Variants in PRELID2 observed in about 807,000 individuals in gnomAD.
The protein encoded by PRELID2 is PRELI domain containing 2.
A neutral mutation model predicts 28.4 loss-of-function variants in PRELID2; 25 were observed. The ratio of observed to expected loss-of-function variants is 0.88; its 90% CI spans 0.64 to 1.23. The LOEUF (loss-of-function observed/expected upper bound fraction) is 1.23. PRELID2 is among the 50% of genes most tolerant of loss of function. The pLI is 0.00. For missense variants in PRELID2, 201 were observed against 214.4 expected (o/e 0.94, Z 0.39); for synonymous variants, 76 against 71.6 (o/e 1.06, Z -0.31).
chr5:145,348,399 C>T, the PRELID2 span, among the ~76,000 whole-genome samples: 1 of 152,044 alleles, frequency 6.6e-6, no homozygotes, highest in Non-Finnish European at 1.5e-5. Flanking sequence ...CTTATAGTCC[C>T]TTTTTCTATG....
chr5:145,564,267 G>A (rs772026263), intron 1 of PRELID2, among the ~76,000 whole-genome samples: 2 of 152,228 alleles, frequency 1.3e-5, no homozygotes, highest in Non-Finnish European at 2.9e-5. Context: ...TTATTAGAAT[G>A]AAATTCAAAC....
At chr5:145,491,977 T>A (rs554792498) in intron 1 of PRELID2, among the ~76,000 whole-genome samples, 13 of 152,190 alleles carry the variant, frequency 8.5e-5, no homozygotes, top group Non-Finnish European at 1.9e-4. Flanking sequence ...CATGTTTGGC[T>A]ATTGTGAATA....
chr5:145,645,901 G>A (rs900621960), intron 1 of PRELID2, among the ~76,000 whole-genome samples: 7 of 152,274 alleles, frequency 4.6e-5, no homozygotes, highest in South Asian at 2.1e-4. Flanking sequence ...GAAAAGATCC[G>A]CTGTTAATCT....
intron 5 of PRELID2, among the ~76,000 whole-genome samples, chr5:145,785,310 C>A (rs906784913): frequency 2.0e-5 from 3 of 152,208 alleles, no homozygotes; most frequent in African/African-American, 7.2e-5. Flanking sequence ...GCTTCATACA[C>A]AATCCCTATG....
At chr5:145,556,147 C>T (rs1222075192) in intron 1 of PRELID2, among the ~76,000 whole-genome samples, 3 of 142,310 alleles carry the variant, frequency 2.1e-5, no homozygotes, top group Non-Finnish European at 3.0e-5. Context: ...CACTGCACTC[C>T]AGCCTGAGCA....
chr5:145,518,303 G>A (rs570481575), intron 1 of PRELID2, among the ~76,000 whole-genome samples: 230 of 152,146 alleles, frequency 1.5e-3, no homozygotes, highest in African/African-American at 5.0e-3. Context: ...AGGTTCAAGT[G>A]ATTCTTCTGC....
chr5:145,390,351 C>G, the PRELID2 span, among the ~76,000 whole-genome samples: 2 of 152,174 alleles, frequency 1.3e-5, no homozygotes, highest in African/African-American at 4.8e-5. Flanking sequence ...TTAATTGACT[C>G]ACAGTTCAGC....
chr5:145,514,484 C>G (rs74794003), intron 1 of PRELID2, among the ~76,000 whole-genome samples: 2 of 152,108 alleles, frequency 1.3e-5, no homozygotes, highest in East Asian at 3.9e-4. Context: ...TAAAGGTGCA[C>G]CCAGATTGAT....
intron 1 of PRELID2, among the ~76,000 whole-genome samples, chr5:145,744,362 G>C (rs776511709): frequency 9.2e-5 from 14 of 152,216 alleles, no homozygotes; most frequent in Admixed American, 9.2e-4. Flanking sequence ...AAAGTGCTTC[G>C]TTAAATGGGT....
chr5:145,522,714 C>T (rs1052638932), intron 1 of PRELID2, among the ~76,000 whole-genome samples: 2 of 151,276 alleles, frequency 1.3e-5, no homozygotes, highest in African/African-American at 2.4e-5. Flanking sequence ...GGGGAAGATA[C>T]ATTACCAGAA....
chr5:145,301,075 A>G, the PRELID2 span, among the ~76,000 whole-genome samples: 9,701 of 152,130 alleles, frequency 0.064, 473 homozygotes, highest in African/African-American at 0.15. Flanking sequence ...CAAAAGAGTT[A>G]TCCCAATGTG....
intron 1 of PRELID2, among the ~76,000 whole-genome samples, chr5:145,483,981 C>T (rs916451761): frequency 1.3e-5 from 2 of 152,144 alleles, no homozygotes; most frequent in Non-Finnish European, 2.9e-5. Context: ...GAATAAATTA[C>T]TGAAGGTTGG....
chr5:145,509,217 G>A (rs892945374), intron 1 of PRELID2, among the ~76,000 whole-genome samples: 21 of 152,292 alleles, frequency 1.4e-4, no homozygotes, highest in Admixed American at 1.4e-3. Context: ...TGTACTGTGA[G>A]TCAGCCATTA....
chr5:145,656,206 C>T (rs1581032031), intron 1 of PRELID2, among the ~76,000 whole-genome samples: 1 of 152,296 alleles, frequency 6.6e-6, no homozygotes, highest in South Asian at 2.1e-4. Flanking sequence ...AGTGAGATAA[C>T]ATCTCACACC....
chr5:145,599,703 G>A (rs1002881560), intron 1 of PRELID2, among the ~76,000 whole-genome samples: 7 of 152,164 alleles, frequency 4.6e-5, no homozygotes, highest in East Asian at 1.9e-4. Context: ...GGGGAAGAAT[G>A]AGCAATGAAT....
intron 1 of PRELID2, among the ~76,000 whole-genome samples, chr5:145,631,674 G>T (rs1414705138): frequency 1.3e-5 from 2 of 152,072 alleles, no homozygotes; most frequent in African/African-American, 4.8e-5. Flanking sequence ...CACATAATGG[G>T]CATTCAATAA....
chr5:145,292,732 G>A, the PRELID2 span, among the ~76,000 whole-genome samples: 6 of 152,048 alleles, frequency 3.9e-5, no homozygotes, highest in African/African-American at 1.2e-4. Flanking sequence ...TTAAAAGACA[G>A]GGTCTCTCTC....
the PRELID2 span, among the ~76,000 whole-genome samples, chr5:145,252,584 T>C: frequency 3.5e-4 from 54 of 152,274 alleles, 1 homozygote; most frequent in African/African-American, 1.2e-3. Flanking sequence ...ATTGTATTAA[T>C]GTTTATCAAC....
chr5:145,797,659 A>G (rs1448166651), intron 4 of PRELID2, among the ~76,000 whole-genome samples: 2 of 152,144 alleles, frequency 1.3e-5, no homozygotes, highest in Non-Finnish European at 2.9e-5. Context: ...ACACAAGTCC[A>G]GAGAAGATGC....
Sources: allele counts gnomAD v4.1 joint callset (sites outside exome capture counted in the v4.1 genomes callset), GRCh38; gene constraint gnomAD v4.1.1; transcripts MANE v1.5; gene names NCBI Gene and HGNC (gene_info 2026-07-23, HGNC 2026-07-21).